RIPK1: variants seen among roughly 807,000 people sequenced by gnomAD.
RIPK1 encodes the protein receptor-interacting serine/threonine-protein kinase 1.
In RIPK1, 27 loss-of-function variants were observed where a neutral mutation model predicts 62.4. The observed-to-expected ratio is 0.43, with a 90% CI of 0.32 to 0.60. The LOEUF is 0.60. Ranked by LOEUF, RIPK1 falls within the 20% of genes least tolerant of loss-of-function variation. The probability of loss-of-function intolerance (pLI) is 0.07; values close to 1 mark genes in which losing one functional copy is unlikely to be tolerated. For missense variants in RIPK1, 735 were observed against 831.0 expected, an observed-to-expected ratio of 0.88 and a Z score of 1.42; for synonymous variants, 287 against 303.2, an observed-to-expected ratio of 0.95 and a Z score of 0.55.
Position 3,083,648 on chromosome 6 carries a change from C to A in RIPK1, c.688+335C>A, listed in dbSNP as rs17548363. Among the ~76,000 whole-genome samples, 693 of 152,206 alleles carry A rather than the reference C, an allele frequency of 4.6e-3. 9 individuals carry two copies. The highest frequency in any genetic ancestry group is 0.016 in the African/African-American group (656 of 41,508). The stretch of plus-strand genomic sequence containing the variant: ...CAGTCCCTACTGTGGGCACTTGAGT[C>A]GGCATTGGGAATATAAAGATGAGTA... On this transcript the variant is annotated intron_variant, in intron 5 of 10. Coordinates refer to ENST00000259808, the MANE Select transcript of RIPK1 (RefSeq NM_001354930.2).
chr6:3,085,548 C>CAAACATGTT (rs1239865349), intron 6 of RIPK1, 140 bp downstream of exon 6: 2 of 875,420 alleles, frequency 2.3e-6, no homozygotes, highest in African/African-American at 3.4e-5. Flanking sequence ...TTCTAGATTT[C>CAAACATGTT]AAACATGTTA....
chr6:3,088,771 G>A (rs1759861271), intron 6 of RIPK1: 1 of 152,300 alleles, frequency 6.6e-6, no homozygotes, highest in Admixed American at 6.5e-5. Flanking sequence ...TCCAAGATCA[G>A]ACAAGTTTGG....
chr6:3,077,670 C>T, intron 2 of RIPK1, 109 bp from the exon 3 acceptor site: 2 of 1,245,212 alleles, frequency 1.6e-6, no homozygotes, highest in Non-Finnish European at 2.3e-6. Context: ...GAGATCGGTA[C>T]AGACCCAAGC....
At chr6:3,080,013 G>C (rs903052435) in intron 3 of RIPK1, among the ~76,000 whole-genome samples, 4 of 152,058 alleles carry the variant, frequency 2.6e-5, no homozygotes, top group African/African-American at 9.7e-5. Context: ...AGGAGAGAGG[G>C]GGACCAACTT....
chr6:3,074,336 A>G (rs1259009733), intron 1 of RIPK1, among the ~76,000 whole-genome samples: 1 of 152,176 alleles, frequency 6.6e-6, no homozygotes, highest in Non-Finnish European at 1.5e-5. Context: ...ACGTTTTTGC[A>G]TTTCGTTCAT....
chr6:3,069,299 C>T (rs558450395), intron 1 of RIPK1, among the ~76,000 whole-genome samples: 2 of 152,336 alleles, frequency 1.3e-5, no homozygotes, highest in East Asian at 3.9e-4. Context: ...AGCATTTCTG[C>T]GTGATCTTAG....
upstream of RIPK1, among the ~76,000 whole-genome samples, chr6:3,065,099 T>C (rs1581363097): frequency 6.7e-6 from 1 of 150,126 alleles, no homozygotes; most frequent in African/African-American, 2.5e-5. Context: ...AAAAAAAGAA[T>C]ACAAAAAAAT....
chr6:3,078,823 G>A (rs983936279), intron 3 of RIPK1, among the ~76,000 whole-genome samples: 3 of 152,162 alleles, frequency 2.0e-5, no homozygotes, highest in Non-Finnish European at 2.9e-5. Flanking sequence ...AAGGCCTTGC[G>A]CTAGTTGCTC....
rs1479545597 is a variant in RIPK1, at chr6:3,107,206, CA to C, written c.1576+1156del. ...GACAGACGTTGCAGTGAGCTGAGATCATGCCACTGCACTCCAGCCTGGGCAA... is the reference window on the plus strand; with the variant it reads ...GACAGACGTTGCAGTGAGCTGAGATCTGCCACTGCACTCCAGCCTGGGCAA... On this transcript the variant is annotated intron_variant, in intron 9 of 10. Transcript: ENST00000259808. Among the ~76,000 whole-genome samples the C allele has an allele frequency of 1.0e-4, 15 of 149,766 alleles. 1 individual carries two copies. The East Asian group carries it at 3.0e-3, about 30-fold the overall frequency.
intron 5 of RIPK1, among the ~76,000 whole-genome samples, chr6:3,084,487 T>C (rs1444000187): frequency 6.6e-6 from 1 of 152,122 alleles, no homozygotes; most frequent in Non-Finnish European, 1.5e-5. Context: ...TCCTCCTCCT[T>C]AAGTCTCCCT....
Position 3,089,634 on chromosome 6 carries a change from G to A in RIPK1, c.892G>A (p.Glu298Lys). Residue 298 changes from glutamate to lysine, a missense_variant, in exon 7 of 11, where the codon GAA (glutamate) becomes AAA (lysine). Coordinates refer to ENST00000259808, the MANE Select transcript of RIPK1 (RefSeq NM_001354930.2). Reference sequence around the variant, plus strand: ...TTTAAGTCAATTAGAAGAAAGTGTAGAAGAGGACGTGAAGAGTTTAAAGGT... The same window carrying A: ...TTTAAGTCAATTAGAAGAAAGTGTAAAAGAGGACGTGAAGAGTTTAAAGGT... ...FYLSQLEESV[E>K]EDVKSLKKEY... is the part of the protein sequence containing the mutation. The A allele has an allele frequency of 6.3e-7, 1 of 1,586,396 alleles. No individual in the cohort carries two copies. The highest frequency in any genetic ancestry group is 8.6e-7 in the Non-Finnish European group (1 of 1,157,938).
At chr6:3,076,739 G>A (rs1296638743) in intron 1 of RIPK1, 25 bp from the exon 2 acceptor site, 2 of 1,126,806 alleles carry the variant, frequency 1.8e-6, no homozygotes, top group Non-Finnish European at 2.5e-6. Flanking sequence ...CTTGCCCTGA[G>A]GTTTTCTCTC....
chr6:3,083,195 C>G lies in RIPK1; in HGVS notation c.570C>G (p.Leu190=), dbSNP rs762538808. ...DGTAKKNGGT[L]YYMAPEHLND... ...CCGCTAAGAAGAATGGCGGCACCCT[C>G]TACTACATGGCGCCCGAGCACCTGA... Residue 190 remains leucine, a synonymous_variant, in exon 5 of 11, where the codon CTC becomes CTG. Transcript: ENST00000259808. 1.2e-6 allele frequency: 2 copies of G among 1,614,052 alleles called. No homozygotes were observed. The highest frequency in any genetic ancestry group is 2.2e-5 in the South Asian group (2 of 91,078).
At chr6:3,094,189 C>T (rs1426154737) in intron 7 of RIPK1, among the ~76,000 whole-genome samples, 1 of 139,844 alleles carries the variant, frequency 7.2e-6, no homozygotes, top group Non-Finnish European at 1.5e-5. Context: ...CCTGCTGCAC[C>T]TAGTAACTGC....
rs1761350534 is a variant in RIPK1, at chr6:3,115,175, A to G, written c.*1836A>G. The G allele has an allele frequency of 6.6e-6, 1 of 152,172 alleles. No homozygotes were observed. Among genetic ancestry groups the G allele is most frequent in the African/African-American group, 2.4e-5 (1 of 41,434 alleles). The allele number at this position is 152,172 out of a possible 1,614,324, so 9.4% of individuals were successfully genotyped here. ...TTTTTTAACACTTTTTAAAATAAAA[A>G]TTTATACCACAACTTTAGGCTATTG... On this transcript the variant is annotated 3_prime_UTR_variant, in exon 11 of 11. Transcript: ENST00000259808.
chr6:3,069,064 G>A (rs917075492), intron 1 of RIPK1, among the ~76,000 whole-genome samples: 1 of 152,250 alleles, frequency 6.6e-6, no homozygotes, highest in Non-Finnish European at 1.5e-5. Context: ...TGTGCCAGAG[G>A]TCGGGGCGCT....
chr6:3,097,840 AG>A (rs1277309515), intron 7 of RIPK1, among the ~76,000 whole-genome samples: 1 of 152,098 alleles, frequency 6.6e-6, no homozygotes, highest in Non-Finnish European at 1.5e-5. Context: ...TTATAAATTT[AG>A]AAGATTTTTA....
rs927827043 is a variant in RIPK1, at chr6:3,072,171, G to C, written c.-61+3510G>C. On this transcript the variant is annotated intron_variant, in intron 1 of 10. Transcript: ENST00000259808. This position sits in a 1 kb window ranked among gnomAD's most constrained non-coding sequence, Gnocchi z 5.6. The stretch of plus-strand genomic sequence containing the variant: ...TAATCTTTATCAGCATCTCTGATTT[G>C]ATCCCTCAGAGTAAAGAAATACTGA... 6.6e-6 allele frequency among the ~76,000 whole-genome samples: 1 copy of C among 152,062 alleles called. No homozygotes were observed. The highest frequency in any genetic ancestry group is 1.5e-5 in the Non-Finnish European group (1 of 68,008).
In RIPK1 at chr6:3,115,156, AAC is replaced by A. The variant is rs1761349400; in HGVS notation, c.*1820_*1821del. ...AAGGCAAGAGGGCAAGGCATTTTTT[AAC>A]ACTTTTTAAAATAAAAATTTATACC... On this transcript the variant is annotated 3_prime_UTR_variant, in exon 11 of 11. Transcript: ENST00000259808. 6.6e-6 allele frequency: 1 copy of A among 152,152 alleles called. No individual in the cohort carries two copies. The highest frequency in any genetic ancestry group is 2.4e-5 in the African/African-American group (1 of 41,434). The allele number at this position is 152,152 out of a possible 1,614,324, so 9.4% of individuals were successfully genotyped here.
Sources: gnomAD v4.1 joint callset for allele counts (sites outside exome capture counted in the v4.1 genomes callset) on GRCh38, gnomAD v4.1.1 for gene constraint, Gnocchi (gnomAD v3.1) non-coding constraint, MANE v1.5 for transcripts, NCBI Gene and HGNC (gene_info 2026-07-23, HGNC 2026-07-21) for gene names.